Variants in IQCM observed in about 807,000 individuals in gnomAD.
IQCM encodes IQ domain-containing protein M.
IQCM carries 45 observed loss-of-function variants against 57.6 expected under a neutral mutation model. The observed-to-expected ratio is 0.78, with a 90% CI of 0.62 to 1.00. The LOEUF is 1.00. Among genes scored for constraint, IQCM ranks in the 50% least tolerant of loss-of-function variants. The pLI, the probability that IQCM is intolerant of heterozygous loss-of-function variation, is 0.00. For synonymous variants in IQCM, 148 were observed against 158.9 expected (o/e 0.93, Z 0.51); for missense variants, 468 against 511.6 (o/e 0.91, Z 0.82).
rs193049431 is a variant in IQCM, at chr4:149,398,497, C to G, written c.1390+34899G>C. On this transcript the variant is annotated intron_variant, in intron 13 of 13. Transcript: ENST00000636793. ...TATTATATCTTCCAATCCATGAACA[C>G]AGGATGTGTTTCTACTTTATGTGTG... Among the ~76,000 whole-genome samples, 325 of 152,116 alleles carry G rather than the reference C, an allele frequency of 2.1e-3. 4 individuals are homozygous for G. Among genetic ancestry groups the G allele is most frequent in the African/African-American group, 7.5e-3 (313 of 41,528 alleles).
intron 8 of IQCM, among the ~76,000 whole-genome samples, chr4:149,592,372 G>A (rs564571565): frequency 2.6e-5 from 4 of 152,066 alleles, no homozygotes; most frequent in African/African-American, 9.6e-5. Flanking sequence ...TTGTCAGATG[G>A]GTAGATTGCA....
intron 7 of IQCM, among the ~76,000 whole-genome samples, chr4:149,638,520 T>G (rs1179430620): frequency 1.3e-5 from 2 of 151,922 alleles, no homozygotes; most frequent in Non-Finnish European, 2.9e-5. Flanking sequence ...ATATAATGAA[T>G]TGATACACTG....
intron 2 of IQCM, among the ~76,000 whole-genome samples, chr4:149,758,818 A>G (rs1475085641): frequency 6.6e-6 from 1 of 150,490 alleles, no homozygotes; most frequent in Non-Finnish European, 1.5e-5. Flanking sequence ...TGCTGACAAG[A>G]GGCAGAGCAA....
At chr4:149,623,551 G>C (rs1330715334) in intron 7 of IQCM, among the ~76,000 whole-genome samples, 1 of 152,208 alleles carries the variant, frequency 6.6e-6, no homozygotes, top group Non-Finnish European at 1.5e-5. Context: ...GGCACAGAAG[G>C]TGACATGCAA....
At chr4:149,456,701 C>G (rs1737739892) in intron 12 of IQCM, among the ~76,000 whole-genome samples, 1 of 152,064 alleles carries the variant, frequency 6.6e-6, no homozygotes, top group African/African-American at 2.4e-5. Context: ...GAGAATCCCT[C>G]TCATGAGAGT....
intron 8 of IQCM, among the ~76,000 whole-genome samples, chr4:149,589,816 G>A (rs1189171750): frequency 6.6e-6 from 1 of 151,922 alleles, no homozygotes; most frequent in African/African-American, 2.4e-5. Flanking sequence ...TGATAATAAA[G>A]CAGGAAGCAG....
At chr4:149,442,112 T>C (rs574083042) in intron 12 of IQCM, among the ~76,000 whole-genome samples, 9 of 152,274 alleles carry the variant, frequency 5.9e-5, no homozygotes, top group African/African-American at 1.7e-4. Context: ...CTATCCTCAT[T>C]TCTAGCTGCT....
At chr4:149,568,344 C>T (rs1561001786) in intron 9 of IQCM, among the ~76,000 whole-genome samples, 1 of 152,128 alleles carries the variant, frequency 6.6e-6, no homozygotes, top group Non-Finnish European at 1.5e-5. Context: ...CTTGACAAGA[C>T]TCATGATCCT....
At chr4:149,503,996 C>A (rs1430828539) in intron 12 of IQCM, among the ~76,000 whole-genome samples, 2 of 151,720 alleles carry the variant, frequency 1.3e-5, no homozygotes, top group East Asian at 3.9e-4. Context: ...CCAAATAGAC[C>A]ATTAACAAAA....
At chr4:149,761,552 C>A (rs972164309) in intron 2 of IQCM, among the ~76,000 whole-genome samples, 4 of 152,108 alleles carry the variant, frequency 2.6e-5, no homozygotes, top group African/African-American at 4.8e-5. Context: ...AATCCCACAG[C>A]ACTTACACTA....
intron 2 of IQCM, among the ~76,000 whole-genome samples, chr4:149,763,715 C>G (rs1769759250): frequency 6.6e-6 from 1 of 152,106 alleles, no homozygotes; most frequent in African/African-American, 2.4e-5. Flanking sequence ...GCTACAGTGG[C>G]AGAGCCAGGA....
intron 13 of IQCM, among the ~76,000 whole-genome samples, chr4:149,398,078 A>T (rs759899678): frequency 4.9e-4 from 74 of 151,982 alleles, no homozygotes; most frequent in Non-Finnish European, 9.9e-4. Flanking sequence ...TGTATGGTGT[A>T]AGAAAAATAG....
chr4:149,593,922 T>A (rs1378834658), intron 8 of IQCM, among the ~76,000 whole-genome samples: 2 of 152,126 alleles, frequency 1.3e-5, no homozygotes, highest in African/African-American at 4.8e-5. Context: ...AATTCTCTTT[T>A]TTTGTTGTGT....
chr4:149,356,787 C>A (rs1221293661), intron 13 of IQCM, among the ~76,000 whole-genome samples: 2 of 152,270 alleles, frequency 1.3e-5, no homozygotes, highest in South Asian at 2.1e-4. Context: ...TGAAGAAAGT[C>A]ATTGGTAGCT....
chr4:149,561,951 GT>G (rs1298460714), intron 10 of IQCM, among the ~76,000 whole-genome samples: 1 of 152,062 alleles, frequency 6.6e-6, no homozygotes, highest in Non-Finnish European at 1.5e-5. Context: ...ATGAATTGGA[GT>G]TTATCAGAAG....
chr4:149,784,380 T>C lies in IQCM; in HGVS notation c.-49+30931A>G, dbSNP rs1211107311. Among the ~76,000 whole-genome samples the C allele has an allele frequency of 7.9e-5, 12 of 152,196 alleles. 1 individual carries two copies. The highest frequency in any genetic ancestry group is 7.9e-4 in the Admixed American group (12 of 15,276). On this transcript the variant is annotated intron_variant, in intron 2 of 13. Transcript: ENST00000636793. ...TCCTTAGCTCACAACCCTCACCTTC[T>C]TTAGATCCTTAGTCAAAGATCATTT... is the stretch of plus-strand genomic sequence containing the variant.
intron 13 of IQCM, among the ~76,000 whole-genome samples, chr4:149,357,478 C>A (rs1405320628): frequency 6.6e-6 from 1 of 152,098 alleles, no homozygotes; most frequent in Non-Finnish European, 1.5e-5. Flanking sequence ...TTGTCAAAGG[C>A]CTTTTCTGCG....
intron 2 of IQCM, among the ~76,000 whole-genome samples, chr4:149,810,156 G>A (rs13107820): frequency 0.35 from 52,983 of 151,706 alleles, 11,572 homozygotes; most frequent in Non-Finnish European, 0.5. Context: ...AGGCCAAGGT[G>A]GGTGGAACAC....
At chr4:149,449,974 G>A (rs1736927851) in intron 12 of IQCM, among the ~76,000 whole-genome samples, 1 of 151,794 alleles carries the variant, frequency 6.6e-6, no homozygotes, top group Non-Finnish European at 1.5e-5. Flanking sequence ...CACAGCTATG[G>A]TAACCAAAAT....
Sources: allele counts gnomAD v4.1 joint callset (sites outside exome capture counted in the v4.1 genomes callset), GRCh38; gene constraint gnomAD v4.1.1; transcripts MANE v1.5; gene names NCBI Gene and HGNC (gene_info 2026-07-23, HGNC 2026-07-21).